TCF12: variants seen among roughly 807,000 people sequenced by gnomAD.
The protein encoded by TCF12 is transcription factor 12.
A neutral mutation model predicts 86.0 loss-of-function variants in TCF12; 45 were observed. That is an observed-to-expected ratio of 0.52 (90% CI 0.41 to 0.67). The LOEUF (loss-of-function observed/expected upper bound fraction) is 0.67. Among genes scored for constraint, TCF12 ranks in the 30% least tolerant of loss-of-function variants. The pLI, the probability that TCF12 is intolerant of heterozygous loss-of-function variation, is 0.00. For synonymous variants in TCF12, 330 were observed against 299.6 expected, an observed-to-expected ratio of 1.10 and a Z score of -1.05; for missense variants, 881 against 859.9, an observed-to-expected ratio of 1.02 and a Z score of -0.31.
chr15:57,068,805 A>G (rs2069123529), intron 4 of TCF12, among the ~76,000 whole-genome samples: 1 of 152,156 alleles, frequency 6.6e-6, no homozygotes, highest in Non-Finnish European at 1.5e-5. Context: ...AGTTACTTCT[A>G]TGTGTCTTAG....
chr15:56,991,044 C>T (rs1446893088), intron 3 of TCF12, among the ~76,000 whole-genome samples: 1 of 152,142 alleles, frequency 6.6e-6, no homozygotes, highest in Non-Finnish European at 1.5e-5. Context: ...AGTCCTCCCA[C>T]CTCAGCCTCC....
intron 4 of TCF12, among the ~76,000 whole-genome samples, chr15:57,068,433 G>A (rs1197613809): frequency 6.6e-6 from 1 of 152,130 alleles, no homozygotes; most frequent in Non-Finnish European, 1.5e-5. Flanking sequence ...TGCCGACTCA[G>A]TCATGCTTAA....
intron 3 of TCF12, among the ~76,000 whole-genome samples, chr15:56,984,452 A>T (rs764964894): frequency 1.3e-5 from 2 of 152,152 alleles, no homozygotes; most frequent in African/African-American, 2.4e-5. Context: ...TTTAGCACGT[A>T]AGCTGATCAT....
chr15:57,044,698 A>AT (rs1423054462), intron 3 of TCF12, among the ~76,000 whole-genome samples: 1 of 150,058 alleles, frequency 6.7e-6, no homozygotes, highest in Non-Finnish European at 1.5e-5. Context: ...TAGTCATGTG[A>AT]TTTTTCAGGT....
chr15:57,257,279 GT>G (rs1277225707), intron 16 of TCF12, among the ~76,000 whole-genome samples: 3 of 152,196 alleles, frequency 2.0e-5, no homozygotes, highest in African/African-American at 7.2e-5. Flanking sequence ...TTAATGAGTA[GT>G]TTGAGAGTTT....
At chr15:57,103,155 A>G (rs918895847) in intron 5 of TCF12, among the ~76,000 whole-genome samples, 13 of 152,242 alleles carry the variant, frequency 8.5e-5, no homozygotes, top group Admixed American at 3.9e-4. Context: ...GAAAATCGGT[A>G]CTGCCCAACA....
chr15:57,109,849 C>T (rs1343768101), intron 5 of TCF12, among the ~76,000 whole-genome samples: 2 of 152,110 alleles, frequency 1.3e-5, no homozygotes, highest in Non-Finnish European at 2.9e-5. Flanking sequence ...ATGAAGATTT[C>T]CTCCTTAATG....
At chr15:57,052,636 C>CAA (rs10573760) in intron 3 of TCF12, among the ~76,000 whole-genome samples, 5 of 122,428 alleles carry the variant, frequency 4.1e-5, no homozygotes, top group Non-Finnish European at 8.6e-5. Flanking sequence ...GACTCCATCT[C>CAA]AAAAAAAAAA....
intron 8 of TCF12, among the ~76,000 whole-genome samples, chr15:57,206,121 G>C (rs1438648224): frequency 1.3e-5 from 2 of 152,216 alleles, no homozygotes; most frequent in Non-Finnish European, 2.9e-5. Context: ...GGTTTTTAAA[G>C]GCTATATGGT....
intron 5 of TCF12, among the ~76,000 whole-genome samples, chr15:57,122,338 G>C (rs1783240867): frequency 1.3e-5 from 2 of 151,954 alleles, no homozygotes; most frequent in African/African-American, 4.8e-5. Flanking sequence ...CTTCATGTTT[G>C]TGGCCAAAAA....
intron 18 of TCF12, among the ~76,000 whole-genome samples, chr15:57,267,662 T>TA (rs1362126920): frequency 6.6e-6 from 1 of 152,188 alleles, no homozygotes; most frequent in Non-Finnish European, 1.5e-5. Flanking sequence ...AATAAAATTT[T>TA]ACTTACAAAA....
intron 3 of TCF12, among the ~76,000 whole-genome samples, chr15:56,930,508 A>C (rs193153959): frequency 6.6e-6 from 1 of 152,234 alleles, no homozygotes; most frequent in Admixed American, 6.5e-5. Flanking sequence ...GTACTGACAT[A>C]CTCGGATTTT....
chr15:57,152,281 AAAAC>A (rs1389551204), intron 5 of TCF12, among the ~76,000 whole-genome samples: 1 of 152,254 alleles, frequency 6.6e-6, no homozygotes, highest in Non-Finnish European at 1.5e-5. Flanking sequence ...AAGCAAGAGA[AAAAC>A]AAAACAAATA....
intron 3 of TCF12, among the ~76,000 whole-genome samples, chr15:57,018,823 T>C (rs1328014345): frequency 6.6e-6 from 1 of 152,116 alleles, no homozygotes; most frequent in African/African-American, 2.4e-5. Context: ...AAGAGAGAGA[T>C]TGAAACAATA....
At chr15:57,266,456 C>T (rs1251959099) in intron 18 of TCF12, among the ~76,000 whole-genome samples, 3 of 152,120 alleles carry the variant, frequency 2.0e-5, no homozygotes, top group African/African-American at 7.2e-5. Context: ...TTTCATACTG[C>T]ATTGCCAGAC....
chr15:57,126,868 C>T (rs2051690545), intron 5 of TCF12, among the ~76,000 whole-genome samples: 1 of 152,126 alleles, frequency 6.6e-6, no homozygotes, highest in African/African-American at 2.4e-5. Flanking sequence ...TTTATCTGTC[C>T]AATGTGGCTA....
At chr15:57,005,001 G>T (rs563173439) in intron 3 of TCF12, among the ~76,000 whole-genome samples, 3 of 152,052 alleles carry the variant, frequency 2.0e-5, no homozygotes, top group African/African-American at 7.2e-5. Context: ...AGCATTTTAT[G>T]TTCAAAACTT....
At chr15:56,999,780 T>C (rs954863737) in intron 3 of TCF12, among the ~76,000 whole-genome samples, 6 of 152,018 alleles carry the variant, frequency 3.9e-5, no homozygotes, top group African/African-American at 1.4e-4. Context: ...AGGCTGAGGC[T>C]GGAGAATCCC....
intron 14 of TCF12, among the ~76,000 whole-genome samples, chr15:57,251,877 G>C (rs1443093655): frequency 6.6e-6 from 1 of 152,050 alleles, no homozygotes; most frequent in African/African-American, 2.4e-5. Flanking sequence ...TTTTTGTCAT[G>C]AAAGTATTAT....
Sources: gnomAD v4.1 joint callset for allele counts (sites outside exome capture counted in the v4.1 genomes callset) on GRCh38, gnomAD v4.1.1 for gene constraint, MANE v1.5 for transcripts, NCBI Gene and HGNC (gene_info 2026-07-23, HGNC 2026-07-21) for gene names.